Variants in CADPS observed in about 807,000 individuals in gnomAD.
CADPS encodes the protein calcium-dependent secretion activator 1.
Under a neutral mutation model 167.3 loss-of-function variants are expected in CADPS, and 57 were observed. The observed-to-expected ratio is 0.34, with a 90% CI of 0.28 to 0.42. The LOEUF is 0.42. Among genes scored for constraint, CADPS ranks in the 20% least tolerant of loss-of-function variants. The probability of loss-of-function intolerance (pLI) is 1.00; values close to 1 mark genes in which losing one functional copy is unlikely to be tolerated. For synonymous variants in CADPS, 676 were observed against 635.3 expected, an observed-to-expected ratio of 1.06 and a Z score of -0.96; for missense variants, 1,414 against 1,738.1, an observed-to-expected ratio of 0.81 and a Z score of 3.32.
At chr3:62,445,302 T>C (rs2057017799) in intron 27 of CADPS, among the ~76,000 whole-genome samples, 1 of 152,238 alleles carries the variant, frequency 6.6e-6, no homozygotes, top group Non-Finnish European at 1.5e-5. Context: ...TTTGTTTTTT[T>C]TATTAGGTTG....
intron 6 of CADPS, among the ~76,000 whole-genome samples, chr3:62,618,302 A>G (rs2062653905): frequency 6.6e-6 from 1 of 152,088 alleles, no homozygotes. Context: ...ATCTGGATCC[A>G]GTCATGCCTA....
chr3:62,672,980 T>G (rs1452850197), intron 3 of CADPS, among the ~76,000 whole-genome samples: 1 of 152,156 alleles, frequency 6.6e-6, no homozygotes, highest in Non-Finnish European at 1.5e-5. Context: ...TATTGCTACC[T>G]TAGGGGCCTT....
chr3:62,729,981 C>A (rs2077463801), intron 3 of CADPS, among the ~76,000 whole-genome samples: 1 of 151,842 alleles, frequency 6.6e-6, no homozygotes, highest in South Asian at 2.1e-4. Context: ...CATTTAATTT[C>A]TGGTTTGAGA....
At chr3:62,742,288 A>G (rs150267667) in intron 3 of CADPS, among the ~76,000 whole-genome samples, 2 of 152,274 alleles carry the variant, frequency 1.3e-5, no homozygotes, top group African/African-American at 4.8e-5. Flanking sequence ...AAAAATTCAT[A>G]CGGAATCAAA....
At chr3:62,776,602 G>A (rs542818035) in intron 1 of CADPS, among the ~76,000 whole-genome samples, 2 of 152,166 alleles carry the variant, frequency 1.3e-5, no homozygotes, top group African/African-American at 4.8e-5. Flanking sequence ...TGCAGTGAGT[G>A]GAGATTGCGC....
intron 27 of CADPS, among the ~76,000 whole-genome samples, chr3:62,441,836 G>A (rs1015329783): frequency 7.9e-5 from 12 of 152,162 alleles, no homozygotes; most frequent in African/African-American, 2.7e-4. Context: ...AGTGACCTGG[G>A]CATTAATGCT....
intron 1 of CADPS, among the ~76,000 whole-genome samples, chr3:62,767,599 A>G (rs1336932261): frequency 6.6e-6 from 1 of 152,232 alleles, no homozygotes; most frequent in Non-Finnish European, 1.5e-5. Flanking sequence ...AAAACAAAAC[A>G]GAATTTTGTT....
At chr3:62,705,999 G>A (rs1306320493) in intron 3 of CADPS, among the ~76,000 whole-genome samples, 1 of 152,006 alleles carries the variant, frequency 6.6e-6, no homozygotes. Flanking sequence ...GGCGTCCAAG[G>A]CCCTGCTTTG....
intron 27 of CADPS, among the ~76,000 whole-genome samples, chr3:62,445,093 G>T (rs2056984057): frequency 6.6e-6 from 1 of 152,150 alleles, no homozygotes; most frequent in Non-Finnish European, 1.5e-5. Context: ...ATTTATCACA[G>T]GTAATCCCAC....
intron 6 of CADPS, among the ~76,000 whole-genome samples, chr3:62,634,548 C>T (rs1330539252): frequency 1.3e-5 from 2 of 152,186 alleles, no homozygotes; most frequent in South Asian, 2.1e-4. Flanking sequence ...GCTTGTATTA[C>T]AGACATTGTC....
chr3:62,664,766 T>C (rs2074092280), intron 3 of CADPS, among the ~76,000 whole-genome samples: 1 of 152,136 alleles, frequency 6.6e-6, no homozygotes, highest in Admixed American at 6.5e-5. Flanking sequence ...AGTGGGAAAA[T>C]ACAGCCCAAC....
chr3:62,667,246 A>G (rs549051263), intron 3 of CADPS, among the ~76,000 whole-genome samples: 2 of 152,178 alleles, frequency 1.3e-5, no homozygotes, highest in South Asian at 2.1e-4. Flanking sequence ...AAGTTTATAG[A>G]GTTATCCCCT....
At chr3:62,550,891 C>T (rs1358414407) in intron 10 of CADPS, 2 of 456,726 alleles carry the variant, frequency 4.4e-6, no homozygotes, top group Non-Finnish European at 4.4e-6. Context: ...GCTTTCTTTA[C>T]TTAGCTTTCA....
intron 3 of CADPS, among the ~76,000 whole-genome samples, chr3:62,722,110 G>A (rs2075951750): frequency 6.6e-6 from 1 of 152,228 alleles, no homozygotes; most frequent in African/African-American, 2.4e-5. Flanking sequence ...GAAGAGTTAA[G>A]TATCTTGTGC....
intron 1 of CADPS, among the ~76,000 whole-genome samples, chr3:62,869,756 G>A (rs918528302): frequency 4.6e-5 from 7 of 152,068 alleles, no homozygotes; most frequent in Non-Finnish European, 8.8e-5. Flanking sequence ...CTGGGTGAGC[G>A]CTTGGTGCAA....
intron 28 of CADPS, among the ~76,000 whole-genome samples, chr3:62,430,958 G>T (rs1291841140): frequency 3.3e-5 from 5 of 152,064 alleles, no homozygotes; most frequent in Non-Finnish European, 7.4e-5. Context: ...CAGTTCATTT[G>T]GATTAGCTTT....
At chr3:62,416,554 G>T (rs1267991205) in intron 28 of CADPS, among the ~76,000 whole-genome samples, 2 of 152,270 alleles carry the variant, frequency 1.3e-5, no homozygotes, top group Non-Finnish European at 2.9e-5. Context: ...AATCTGAGGT[G>T]GTTCTGAAGT....
At chr3:62,824,134 A>G (rs904330198) in intron 1 of CADPS, among the ~76,000 whole-genome samples, 2 of 150,368 alleles carry the variant, frequency 1.3e-5, no homozygotes, top group Non-Finnish European at 2.9e-5. Flanking sequence ...AATACTTCTC[A>G]GCTTGTGTTT....
chr3:62,507,122 C>T (rs1048384489), intron 17 of CADPS, among the ~76,000 whole-genome samples: 1 of 152,090 alleles, frequency 6.6e-6, no homozygotes, highest in Non-Finnish European at 1.5e-5. Context: ...CCCAAATAAA[C>T]TTTTATGTAC....
Sources: gnomAD v4.1 joint callset for allele counts (sites outside exome capture counted in the v4.1 genomes callset) on GRCh38, gnomAD v4.1.1 for gene constraint, MANE v1.5 for transcripts, NCBI Gene and HGNC (gene_info 2026-07-23, HGNC 2026-07-21) for gene names.